RPLP0: variants seen among roughly 807,000 people sequenced by gnomAD.
The protein encoded by RPLP0 is large ribosomal subunit protein uL10.
For missense variants in RPLP0, 276 were observed against 402.9 expected, an observed-to-expected ratio of 0.69 and a Z score of 2.70; for synonymous variants, 137 against 153.4, an observed-to-expected ratio of 0.89 and a Z score of 0.79.
Position 120,198,448 on chromosome 12 carries a change from G to A in RPLP0, c.651+106C>T, listed in dbSNP as rs1879271303. On this transcript the variant is annotated intron_variant, in intron 6 of 7. Transcript: ENST00000392514. The surrounding 1 kb of genome is among the most constrained non-coding windows in gnomAD (Gnocchi z 4.1). ...TTGTTACTGACATTTTACAGATGAG[G>A]TAGGTAGACAGATGAAAACACAGTC... 3 of 1,190,254 alleles carry A rather than the reference G, an allele frequency of 2.5e-6. No homozygotes were observed. The highest frequency in any genetic ancestry group is 2.4e-5 in the East Asian group (1 of 41,326). The allele number at this position is 1,190,254 out of a possible 1,614,324, so 73.7% of individuals were successfully genotyped here.
In RPLP0 at chr12:120,196,905, G is replaced by A; in HGVS notation, c.822C>T (p.Ala274=). The change falls in exon 8 of 8, where the codon GCC becomes GCT. Residue 274 remains alanine, a synonymous_variant. Coordinates refer to ENST00000392514, the MANE Select transcript of RPLP0 (RefSeq NM_001002.4). ...CAGCCACAGGGGCAGCAGCCACAAAGGCAGATGGATCAGCCAAGAAGGCCT... is the reference window on the plus strand; with the variant it reads ...CAGCCACAGGGGCAGCAGCCACAAAAGCAGATGGATCAGCCAAGAAGGCCT... ...KVKAFLADPS[A]FVAAAPVAAA... 1 of 1,613,294 alleles carries A rather than the reference G, an allele frequency of 6.2e-7. No individual in the cohort carries two copies. Among genetic ancestry groups the A allele is most frequent in the Non-Finnish European group, 8.5e-7 (1 of 1,179,998 alleles).
At position 120,198,669 on chromosome 12, in the gene RPLP0, T is replaced by C. The variant is rs776598806; in HGVS notation, c.536A>G (p.Asn179Ser). The change falls in exon 6 of 8, where the codon AAC becomes AGC. Residue 179 changes from asparagine to serine, a missense_variant. Physicochemically the swap from Asn to Ser is conservative, Grantham distance 46. Transcript: ENST00000392514. This position sits in a 1 kb window ranked among gnomAD's most constrained non-coding sequence, Gnocchi z 4.1. ...ASEATLLNML[N>S]ISPFSFGLVI... ...CAGCCCAAAGGAGAAGGGGGAGATG[T>C]TGAGCATGTTCAGCAGCGTGGCTTC... 1.9e-6 allele frequency: 3 copies of C among 1,614,126 alleles called. No individual in the cohort carries two copies. Among genetic ancestry groups the C allele is most frequent in the Admixed American group, 3.3e-5 (2 of 60,024 alleles).
chr12:120,198,777 G>A lies in RPLP0; in HGVS notation c.466-38C>T, dbSNP rs537068973. The A allele has an allele frequency of 2.2e-5, 35 of 1,610,686 alleles. No individual in the cohort carries two copies. In the African/African-American group the frequency reaches 4.4e-4, roughly 20 times the overall value. ...ATAGTGGGGCAGTAAACACCTGTTG[G>A]ACAACCAGCAGATCCATGGCCACTA... On this transcript the variant is annotated intron_variant, in intron 5 of 7. Coordinates refer to ENST00000392514, the MANE Select transcript of RPLP0 (RefSeq NM_001002.4). This position sits in a 1 kb window ranked among gnomAD's most constrained non-coding sequence, Gnocchi z 4.1.
Position 120,200,751 on chromosome 12 carries a change from G to A in RPLP0, c.33C>T (p.Ser11=), listed in dbSNP as rs1226707051. The part of the protein sequence containing the change: MPREDRATWK[S]NYFLKIIQLL... Reference sequence around the variant, plus strand: ...TTACGATGATCTTAAGGAAGTAGTTGGACTTCCAGGTCGCCCTGTCTTCCC... The same window carrying A: ...TTACGATGATCTTAAGGAAGTAGTTAGACTTCCAGGTCGCCCTGTCTTCCC... Residue 11 remains serine (S), a synonymous_variant, in exon 2 of 8, where the codon TCC becomes TCT. Transcript: ENST00000392514. 12 of 1,611,440 alleles carry A rather than the reference G, an allele frequency of 7.4e-6. 1 individual carries two copies. The highest frequency in any genetic ancestry group is 3.9e-4 in the Middle Eastern group (2 of 5,194).
At chr12:120,200,267 A>G in intron 2 of RPLP0, 1 of 359,340 alleles carries the variant, frequency 2.8e-6, no homozygotes, top group Non-Finnish European at 5.5e-6. Flanking sequence ...GATCGAGACC[A>G]TCCTGGCCAA....
intron 2 of RPLP0, 167 bp from the exon 3 acceptor site, chr12:120,199,652 T>C (rs561936073): frequency 1.7e-5 from 11 of 654,582 alleles, no homozygotes; most frequent in African/African-American, 7.3e-5. Flanking sequence ...AACTGGATGA[T>C]TGGCTAGCTG....
chr12:120,200,109 A>T (rs1388571637), intron 2 of RPLP0: 8 of 455,954 alleles, frequency 1.8e-5, no homozygotes, highest in Non-Finnish European at 3.5e-5. Context: ...CTAAATATGC[A>T]ACAGCTTGCT....
chr12:120,199,705 G>GT (rs959177048), intron 2 of RPLP0: 13 of 535,332 alleles, frequency 2.4e-5, no homozygotes, highest in South Asian at 6.8e-5. Context: ...CAATCAAGGA[G>GT]TTTTTTCTTT....
At chr12:120,200,614 C>A in intron 2 of RPLP0, 116 bp downstream of exon 2, 1 of 1,169,918 alleles carries the variant, frequency 8.5e-7, no homozygotes, top group East Asian at 2.6e-5. Context: ...CAGTATTTTC[C>A]CAAAAATGGC....
intron 1 of RPLP0, 34 bp from the exon 2 acceptor site, chr12:120,200,865 G>A: frequency 6.5e-7 from 1 of 1,547,330 alleles, no homozygotes; most frequent in South Asian, 1.2e-5. Context: ...GCCTGGTCAC[G>A]CCGACACCCA....
intron 2 of RPLP0, chr12:120,200,096 G>A (rs1243975018): frequency 1.1e-5 from 5 of 455,950 alleles, no homozygotes; most frequent in African/African-American, 8.0e-5. Context: ...TGGCTGACAG[G>A]TCCTAAATAT....
In RPLP0 at chr12:120,197,453, T is replaced by C. The variant is rs2136125280; in HGVS notation, c.661A>G (p.Asn221Asp). ...ATCTGCAGACAGACACTGGCAACATTGCGGACACCCTGGGGGAGGGAAGAT... is the reference window on the plus strand; with the variant it reads ...ATCTGCAGACAGACACTGGCAACATCGCGGACACCCTGGGGGAGGGAAGAT... The part of the protein sequence containing the change: ...LHSRFLEGVR[N>D]VASVCLQIGY... The change falls in exon 7 of 8, where the codon AAT (asparagine) becomes GAT (aspartate). Residue 221 changes from asparagine to aspartate, a missense_variant. Physicochemically the swap from Asn to Asp is conservative, Grantham distance 23. Coordinates refer to ENST00000392514, the MANE Select transcript of RPLP0 (RefSeq NM_001002.4). 1.9e-6 allele frequency: 3 copies of C among 1,613,916 alleles called. No homozygotes were observed. The highest frequency in any genetic ancestry group is 2.5e-6 in the Non-Finnish European group (3 of 1,179,842).
rs761952885 is a variant in RPLP0 at position 120,197,391 on chromosome 12, G to A, written c.723C>T (p.Ile241=). ...YPTVASVPHS[I]INGYKRVLAL... ...CCAGGACTCGTTTGTACCCGTTGAT[G>A]ATAGAATGGGGTACTGATGCAACAG... Residue 241 remains isoleucine, a synonymous_variant, in exon 7 of 8, where the codon ATC becomes ATT. Transcript: ENST00000392514. 1 of 1,613,532 alleles carries A rather than the reference G, an allele frequency of 6.2e-7. No individual in the cohort carries two copies. Among genetic ancestry groups the A allele is most frequent in the East Asian group, 2.2e-5 (1 of 44,894 alleles).
rs781105423 is a variant in RPLP0 at position 120,196,725 on chromosome 12, T to A, written c.*48A>T. ...ACTTTTTAAAGAAGTAAGCCTTTATTTCCTTGTTTTGCAAATAAAACTGGC... is the reference window on the plus strand; with the variant it reads ...ACTTTTTAAAGAAGTAAGCCTTTATATCCTTGTTTTGCAAATAAAACTGGC... On this transcript the variant is annotated 3_prime_UTR_variant, in exon 8 of 8. Transcript: ENST00000392514. 6.6e-7 allele frequency: 1 copy of A among 1,519,476 alleles called. No individual in the cohort carries two copies. The highest frequency in any genetic ancestry group is 8.8e-7 in the Non-Finnish European group (1 of 1,133,190). The allele number at this position is 1,519,476 out of a possible 1,614,324, so 94.1% of individuals were successfully genotyped here.
At chr12:120,197,508 AG>A (rs1409694451) in intron 6 of RPLP0, 46 bp from the exon 7 acceptor site, 10 of 1,508,252 alleles carry the variant, frequency 6.6e-6, no homozygotes, top group East Asian at 2.2e-5. Context: ...CCTACAGGAA[AG>A]GAAGTCCAAG....
Position 120,198,372 on chromosome 12 carries a change from C to G in RPLP0, c.651+182G>C, listed in dbSNP as rs1594298378. ...CTGCACTCCAGCCTGGGCGACACAG[C>G]AAGACTCTGTCTCCAAAAAAAAAAA... On this transcript the variant is annotated intron_variant, in intron 6 of 7. Transcript: ENST00000392514. This position sits in a 1 kb window ranked among gnomAD's most constrained non-coding sequence, Gnocchi z 4.1. 1 of 633,038 alleles carries G rather than the reference C, an allele frequency of 1.6e-6. No homozygotes were observed. Among genetic ancestry groups the G allele is most frequent in the Non-Finnish European group, 2.6e-6 (1 of 386,402 alleles). The allele number at this position is 633,038 out of a possible 1,614,324, so 39.2% of individuals were successfully genotyped here. A position where few individuals can be genotyped will look rare whatever the true frequency, so the allele number is the denominator to read the frequency against.
chr12:120,201,075 A>G lies in RPLP0; in HGVS notation c.-49+8T>C. On this transcript the variant is annotated splice_region_variant and intron_variant, in intron 1 of 7. Transcript: ENST00000392514. ...GACCCCTGGCGCCCATCTAACTAGC[A>G]CACGAACCTTCCACGAGGACGCCTG... is the stretch of plus-strand genomic sequence containing the variant. 2.5e-6 allele frequency: 1 copy of G among 393,548 alleles called. No homozygotes were observed. Among genetic ancestry groups the G allele is most frequent in the Non-Finnish European group, 4.6e-6 (1 of 219,712 alleles). 24.4% of individuals were successfully genotyped at this position (393,548 alleles called of 1,614,324 possible).
intron 2 of RPLP0, 69 bp downstream of exon 2, chr12:120,200,661 A>G: frequency 6.5e-7 from 1 of 1,543,064 alleles, no homozygotes; most frequent in Non-Finnish European, 8.8e-7. Flanking sequence ...CCCTCAGCAC[A>G]TAGCAGCTGA....
Position 120,197,441 on chromosome 12 carries a change from C to T in RPLP0, c.673G>A (p.Val225Ile), listed in dbSNP as rs530128642. ...FLEGVRNVAS[V>I]CLQIGYPTVA... is the part of the protein sequence containing the mutation. ...GTTGGGTAGCCAATCTGCAGACAGACACTGGCAACATTGCGGACACCCTGG... is the reference window on the plus strand; with the variant it reads ...GTTGGGTAGCCAATCTGCAGACAGATACTGGCAACATTGCGGACACCCTGG... Residue 225 changes from valine to isoleucine, a missense_variant, in exon 7 of 8, where the codon GTC becomes ATC. Coordinates refer to ENST00000392514, the MANE Select transcript of RPLP0 (RefSeq NM_001002.4). The T allele has an allele frequency of 1.9e-6, 3 of 1,613,946 alleles. No individual in the cohort carries two copies. Among genetic ancestry groups the T allele is most frequent in the Middle Eastern group, 1.7e-4 (1 of 6,056 alleles).
Sources: gnomAD v4.1 joint callset for allele counts on GRCh38, gnomAD v4.1.1 for gene constraint, Gnocchi (gnomAD v3.1) non-coding constraint, MANE v1.5 for transcripts, NCBI Gene and HGNC (gene_info 2026-07-23, HGNC 2026-07-21) for gene names.